Variants in TYW3 observed in about 807,000 individuals in gnomAD.
The protein encoded by TYW3 is tRNA-yW synthesizing protein 3 homolog, also known as tRNA wybutosine-synthesizing protein 3 homolog.
TYW3 carries 26 observed loss-of-function variants against 23.1 expected under a neutral mutation model. The ratio of observed to expected loss-of-function variants is 1.13; its 90% confidence interval spans 0.83 to 1.56. The LOEUF is 1.56. Ranked by LOEUF, TYW3 falls within the 40% of genes most tolerant of loss-of-function variation. TYW3 has a pLI of 0.00. For missense variants in TYW3, 316 were observed against 311.9 expected (o/e 1.01, Z -0.10); for synonymous variants, 102 against 105.7 (o/e 0.97, Z 0.21).
chr1:74,752,292 G>T lies in TYW3; in HGVS notation c.427G>T (p.Ala143Ser). The T allele has an allele frequency of 6.3e-7, 1 of 1,593,910 alleles. No homozygotes were observed. The highest frequency in any genetic ancestry group is 1.8e-5 in the Admixed American group (1 of 56,984). The change falls in exon 5 of 6, where the codon GCT (alanine) becomes TCT (serine). Residue 143 changes from alanine (A) to serine (S), a missense_variant and splice_region_variant. Transcript: ENST00000370867. ...TVGKRGKTMLAVRSTHGLEVP... is the reference protein window; with the variant it reads ...TVGKRGKTMLSVRSTHGLEVP... ...TATCTAAATTGTTTTTTCCTTGTAG[G>T]CTGTCCGGAGTACACATGGCTTAGA...
chr1:74,733,260 G>A lies in TYW3; in HGVS notation c.16G>A (p.Glu6Lys), dbSNP rs1490579350. ...TCCGTCACCCATGGATCGCAGCGCG[G>A]AGTTCAGGAAATGGAAGGCGCAATG... MDRSAEFRKWKAQCLS... is the reference protein window; with the variant it reads MDRSAKFRKWKAQCLS... The change falls in exon 1 of 6, where the codon GAG becomes AAG. Residue 6 changes from glutamate to lysine, a missense_variant. Coordinates refer to ENST00000370867, the MANE Select transcript of TYW3 (RefSeq NM_138467.3). The A allele has an allele frequency of 6.2e-7, 1 of 1,614,022 alleles. No homozygotes were observed. Among genetic ancestry groups the A allele is most frequent in the Admixed American group, 1.7e-5 (1 of 60,000 alleles).
intron 5 of TYW3, among the ~76,000 whole-genome samples, chr1:74,756,715 T>C (rs562916621): frequency 5.3e-5 from 8 of 152,334 alleles, no homozygotes; most frequent in African/African-American, 1.7e-4. Context: ...CCTAGAAATT[T>C]GCATAAGTAA....
chr1:74,757,062 A>G (rs1452289302), intron 5 of TYW3, among the ~76,000 whole-genome samples: 1 of 152,246 alleles, frequency 6.6e-6, no homozygotes, highest in Admixed American at 6.5e-5. Context: ...TCTAGATTTC[A>G]GAAGATATAT....
At chr1:74,738,005 A>G (rs1408733606) in intron 2 of TYW3, among the ~76,000 whole-genome samples, 1 of 152,170 alleles carries the variant, frequency 6.6e-6, no homozygotes, top group African/African-American at 2.4e-5. Context: ...AAATACAGAA[A>G]GCTAGGAACG....
At chr1:74,741,488 G>C (rs2100758459) in intron 3 of TYW3, among the ~76,000 whole-genome samples, 1 of 152,302 alleles carries the variant, frequency 6.6e-6, no homozygotes, top group South Asian at 2.1e-4. Context: ...AGTGGGGGTA[G>C]AGAGGATTAC....
chr1:74,761,434 A>T (rs757086145), intron 5 of TYW3, among the ~76,000 whole-genome samples: 1 of 151,572 alleles, frequency 6.6e-6, no homozygotes, highest in Non-Finnish European at 1.5e-5. Context: ...ATTCTCGGTG[A>T]TCATAAAGGA....
chr1:74,748,607 C>A, intron 3 of TYW3, 144 bp from the exon 4 acceptor site: 1 of 671,390 alleles, frequency 1.5e-6, no homozygotes, highest in Non-Finnish European at 2.6e-6. Flanking sequence ...CATTTTTAAG[C>A]ATAGTCCGTA....
At chr1:74,742,356 G>A (rs898203609) in intron 3 of TYW3, among the ~76,000 whole-genome samples, 1 of 152,130 alleles carries the variant, frequency 6.6e-6, no homozygotes, top group Non-Finnish European at 1.5e-5. Flanking sequence ...GTTTCGTGGA[G>A]GGTTTTAAGT....
chr1:74,739,999 G>A (rs188732806), intron 3 of TYW3, among the ~76,000 whole-genome samples: 30 of 152,344 alleles, frequency 2.0e-4, no homozygotes, highest in Admixed American at 1.5e-3. Context: ...TATGGTAGTC[G>A]CCTTTATCCA....
intron 1 of TYW3, among the ~76,000 whole-genome samples, chr1:74,735,476 T>C (rs941070352): frequency 6.6e-6 from 1 of 152,346 alleles, no homozygotes; most frequent in African/African-American, 2.4e-5. Context: ...TTATTTCTTA[T>C]CTTACACCTC....
chr1:74,739,068 T>G (rs1034762146), intron 3 of TYW3, among the ~76,000 whole-genome samples: 2 of 152,202 alleles, frequency 1.3e-5, no homozygotes, highest in African/African-American at 4.8e-5. Context: ...TGTTTTTGTT[T>G]GCCAAGCTTT....
chr1:74,763,836 T>G (rs1348931342), intron 5 of TYW3, 58 bp from the exon 6 acceptor site: 32 of 1,355,708 alleles, frequency 2.4e-5, no homozygotes, highest in Non-Finnish European at 2.6e-5. Flanking sequence ...TCTTGGTGTA[T>G]TTCAGTCATT....
In TYW3 at chr1:74,738,920, C is replaced by G. The variant is rs374951745; in HGVS notation, c.354+132C>G. 558 of 468,866 alleles carry G rather than the reference C, an allele frequency of 1.2e-3. No individual in the cohort carries two copies. Among genetic ancestry groups the G allele is most frequent in the Middle Eastern group, 2.9e-3 (5 of 1,728 alleles). The allele number at this position is 468,866 out of a possible 1,614,324, so 29.0% of individuals were successfully genotyped here. ...AGTTATGTATATATTATTTATTGGT[C>G]TGCTCAATCTATTAATTTTTAATAT... On this transcript the variant is annotated intron_variant, in intron 3 of 5. Coordinates refer to ENST00000370867, the MANE Select transcript of TYW3 (RefSeq NM_138467.3).
rs554797959 is a variant in TYW3 at position 74,763,903 on chromosome 1, C to T, written c.570C>T (p.Asn190=). Residue 190 remains asparagine (N), a synonymous_variant, in exon 6 of 6, where the codon AAC becomes AAT. Coordinates refer to ENST00000370867, the MANE Select transcript of TYW3 (RefSeq NM_138467.3). The part of the protein sequence containing the change: ...ENKKRIERFY[N]CLQHALERET... ...ACTTATTTCTTCACAGGTTTTACAA[C>T]TGCCTACAGCATGCTTTGGAAAGGG... The T allele has an allele frequency of 1.2e-5, 19 of 1,592,774 alleles. No individual in the cohort carries two copies. In the Admixed American group the frequency reaches 2.4e-4, roughly 20 times the overall value.
intron 3 of TYW3, among the ~76,000 whole-genome samples, chr1:74,747,713 GTA>G (rs1176372423): frequency 3.3e-5 from 5 of 150,620 alleles, no homozygotes; most frequent in South Asian, 2.1e-4. Flanking sequence ...ATGTGTGTGT[GTA>G]TATATATGTA....
chr1:74,738,884 C>T (rs1222867942), intron 3 of TYW3, 96 bp downstream of exon 3: 2 of 727,690 alleles, frequency 2.7e-6, no homozygotes, highest in East Asian at 2.8e-5. Flanking sequence ...GAGATATTAC[C>T]TTATTCAACT....
At position 74,764,335 on chromosome 1, in the gene TYW3, A is replaced by G; in HGVS notation, c.*222A>G. The G allele has an allele frequency of 2.5e-6, 1 of 398,304 alleles. No individual in the cohort carries two copies. The highest frequency in any genetic ancestry group is 6.5e-5 in the South Asian group (1 of 15,494). 24.7% of individuals were successfully genotyped at this position (398,304 alleles called of 1,614,324 possible). On this transcript the variant is annotated 3_prime_UTR_variant, in exon 6 of 6. Coordinates refer to ENST00000370867, the MANE Select transcript of TYW3 (RefSeq NM_138467.3). The stretch of plus-strand genomic sequence containing the variant: ...CCTACGACTTCACCTGAAATGCTAT[A>G]GTTATCCCTACTTTTTTACCAGTTT...
At chr1:74,743,893 G>A (rs1648450796) in intron 3 of TYW3, among the ~76,000 whole-genome samples, 1 of 152,126 alleles carries the variant, frequency 6.6e-6, no homozygotes, top group African/African-American at 2.4e-5. Context: ...GTTTGCCCTG[G>A]AGCCTGTAGG....
intron 5 of TYW3, among the ~76,000 whole-genome samples, chr1:74,754,917 G>A (rs1280159936): frequency 2.0e-5 from 3 of 152,090 alleles, no homozygotes; most frequent in Admixed American, 2.0e-4. Flanking sequence ...ACGATCTAGA[G>A]AAATTTGGAT....
Sources: allele counts gnomAD v4.1 joint callset (sites outside exome capture counted in the v4.1 genomes callset), GRCh38; gene constraint gnomAD v4.1.1; transcripts MANE v1.5; gene names NCBI Gene and HGNC (gene_info 2026-07-23, HGNC 2026-07-21).